SPOCK3: variants seen among roughly 807,000 people sequenced by gnomAD.
SPOCK3 encodes SPARC (osteonectin), cwcv and kazal like domains proteoglycan 3.
In SPOCK3, 30 loss-of-function variants were observed where a neutral mutation model predicts 56.6. That is an observed-to-expected ratio of 0.53 (90% CI 0.40 to 0.72). The LOEUF (loss-of-function observed/expected upper bound fraction) is 0.72. SPOCK3 is among the 30% of genes least tolerant of loss of function. SPOCK3 has a pLI of 0.00. For missense variants in SPOCK3, 527 were observed against 530.0 expected, an observed-to-expected ratio of 0.99 and a Z score of 0.06; for synonymous variants, 196 against 183.3, an observed-to-expected ratio of 1.07 and a Z score of -0.56.
chr4:167,114,972 G>A (rs1761207755), intron 2 of SPOCK3, among the ~76,000 whole-genome samples: 1 of 151,996 alleles, frequency 6.6e-6, no homozygotes, highest in Admixed American at 6.6e-5. Context: ...GAGATACTAT[G>A]TTAAAATAAT....
intron 6 of SPOCK3, among the ~76,000 whole-genome samples, chr4:166,809,173 A>G (rs983414034): frequency 2.6e-5 from 4 of 151,714 alleles, no homozygotes; most frequent in African/African-American, 7.3e-5. Context: ...AATGTGCTCA[A>G]TATATATATA....
At chr4:167,111,448 T>C (rs533347767) in intron 2 of SPOCK3, among the ~76,000 whole-genome samples, 10 of 152,220 alleles carry the variant, frequency 6.6e-5, no homozygotes, top group Non-Finnish European at 1.3e-4. Context: ...ATCTGACCTA[T>C]TCACTCTAAA....
intron 4 of SPOCK3, among the ~76,000 whole-genome samples, chr4:166,941,828 C>T (rs922626300): frequency 2.6e-5 from 4 of 152,032 alleles, no homozygotes; most frequent in African/African-American, 9.7e-5. Context: ...TTTAGGGAAC[C>T]GTGTGATGAG....
chr4:166,932,630 A>T (rs951764133), intron 4 of SPOCK3, among the ~76,000 whole-genome samples: 4 of 152,196 alleles, frequency 2.6e-5, no homozygotes, highest in African/African-American at 9.6e-5. Context: ...GGTGAATGTC[A>T]ACTGATTTGT....
At chr4:167,050,999 GATA>G (rs2150220121) in intron 3 of SPOCK3, among the ~76,000 whole-genome samples, 1 of 152,206 alleles carries the variant, frequency 6.6e-6, no homozygotes, top group South Asian at 2.1e-4. Flanking sequence ...CCTGGAGATG[GATA>G]ATAACAATGA....
chr4:166,965,974 T>C (rs1291647542), intron 4 of SPOCK3, among the ~76,000 whole-genome samples: 2 of 152,138 alleles, frequency 1.3e-5, no homozygotes, highest in Non-Finnish European at 2.9e-5. Flanking sequence ...TTCAATTCTC[T>C]AAAAATCCTC....
intron 7 of SPOCK3, among the ~76,000 whole-genome samples, chr4:166,762,820 A>T (rs1737422534): frequency 6.6e-6 from 1 of 152,092 alleles, no homozygotes; most frequent in African/African-American, 2.4e-5. Flanking sequence ...TTGAAACTGA[A>T]GACATATGAA....
intron 8 of SPOCK3, 169 bp downstream of exon 8, chr4:166,754,339 C>G: frequency 1.5e-6 from 2 of 1,359,462 alleles, no homozygotes; most frequent in Non-Finnish European, 1.9e-6. Flanking sequence ...GTATCTCTGG[C>G]AGAGTTATTT....
chr4:167,083,285 T>A, intron 2 of SPOCK3: 2 of 765,056 alleles, frequency 2.6e-6, no homozygotes, highest in African/African-American at 1.7e-5. Context: ...CAAGCCCAAA[T>A]CCTGTGTCAG....
chr4:167,201,513 A>G (rs538860543), intron 2 of SPOCK3, among the ~76,000 whole-genome samples: 3 of 152,116 alleles, frequency 2.0e-5, no homozygotes, highest in African/African-American at 7.2e-5. Flanking sequence ...TTGGAAATAA[A>G]TATCTCAAAA....
Position 166,823,471 on chromosome 4 carries a change from C to G in SPOCK3, c.590-31182G>C, listed in dbSNP as rs539526622. ...ATTTAGGTATTGTCTTATTGCAATA[C>G]TTAGCTTATGCTGACTGACATAAGT... is the stretch of plus-strand genomic sequence containing the variant. On this transcript the variant is annotated intron_variant, in intron 6 of 10. Coordinates refer to ENST00000357545, the MANE Select transcript of SPOCK3 (RefSeq NM_001040159.2). 2.0e-5 allele frequency among the ~76,000 whole-genome samples: 3 copies of G among 152,114 alleles called. No homozygotes were observed. In the South Asian group the frequency reaches 6.2e-4, roughly 32 times the overall value.
At chr4:167,078,803 T>G (rs1192667802) in intron 2 of SPOCK3, among the ~76,000 whole-genome samples, 1 of 151,820 alleles carries the variant, frequency 6.6e-6, no homozygotes, top group Non-Finnish European at 1.5e-5. Context: ...AATTTAGGAA[T>G]CCTAACCTAA....
chr4:167,188,812 A>G (rs1259129700), intron 2 of SPOCK3, among the ~76,000 whole-genome samples: 1 of 146,350 alleles, frequency 6.8e-6, no homozygotes, highest in African/African-American at 2.6e-5. Context: ...ATAAGGGAAT[A>G]TTAGAACTAT....
intron 5 of SPOCK3, among the ~76,000 whole-genome samples, chr4:166,911,550 T>A (rs1041343823): frequency 2.6e-5 from 4 of 152,208 alleles, no homozygotes; most frequent in South Asian, 4.1e-4. Context: ...TGTTTTTTGT[T>A]TTTTGAGACA....
At chr4:167,077,317 G>A (rs563636061) in intron 2 of SPOCK3, among the ~76,000 whole-genome samples, 28 of 151,390 alleles carry the variant, frequency 1.8e-4, no homozygotes, top group African/African-American at 5.1e-4. Context: ...AAATAATCCT[G>A]CATTGCCTAC....
chr4:166,894,324 T>G (rs1024052829), intron 5 of SPOCK3, among the ~76,000 whole-genome samples: 4 of 152,108 alleles, frequency 2.6e-5, no homozygotes, highest in African/African-American at 9.7e-5. Flanking sequence ...TGTTCCTGCT[T>G]TCTTAATTCA....
In SPOCK3 at chr4:166,734,917, T is replaced by C. The variant is rs1168869515; in HGVS notation, c.*4A>G. ...TAGAATTTATTGATTTCAACTGTCA[T>C]CAATCAAATGTATACATCATGGTCA... is the stretch of plus-strand genomic sequence containing the variant. On this transcript the variant is annotated 3_prime_UTR_variant, in exon 11 of 11. Transcript: ENST00000357545. 1.3e-6 allele frequency: 2 copies of C among 1,511,618 alleles called. No individual in the cohort carries two copies. Among genetic ancestry groups the C allele is most frequent in the East Asian group, 4.7e-5 (2 of 42,776 alleles). The allele number at this position is 1,511,618 out of a possible 1,614,324, so 93.6% of individuals were successfully genotyped here.
intron 2 of SPOCK3, among the ~76,000 whole-genome samples, chr4:167,226,184 T>C (rs1736575208): frequency 6.6e-6 from 1 of 152,152 alleles, no homozygotes; most frequent in Non-Finnish European, 1.5e-5. Flanking sequence ...GAAAACAGCA[T>C]TGGTAAGTAG....
chr4:166,925,942 A>C (rs978718610), intron 4 of SPOCK3, among the ~76,000 whole-genome samples: 2 of 152,186 alleles, frequency 1.3e-5, no homozygotes, highest in Non-Finnish European at 2.9e-5. Context: ...CACTTTAAAC[A>C]AGTATGCAAA....
Sources: gnomAD v4.1 joint callset for allele counts (sites outside exome capture counted in the v4.1 genomes callset) on GRCh38, gnomAD v4.1.1 for gene constraint, MANE v1.5 for transcripts, NCBI Gene and HGNC (gene_info 2026-07-23, HGNC 2026-07-21) for gene names.